Variants in RNF40 observed in about 807,000 individuals in gnomAD.
The protein encoded by RNF40 is ring finger protein 40, also known as E3 ubiquitin-protein ligase BRE1B.
In RNF40, 39 loss-of-function variants were observed where a neutral mutation model predicts 123.3. That is an observed-to-expected ratio of 0.32 (90% confidence interval 0.24 to 0.41). RNF40 has a LOEUF of 0.41. RNF40 is among the 10% of genes least tolerant of loss of function. The probability of loss-of-function intolerance (pLI) is 1.00; values close to 1 mark genes in which losing one functional copy is unlikely to be tolerated. For missense variants in RNF40, 1,003 were observed against 1,319.9 expected, an observed-to-expected ratio of 0.76 and a Z score of 3.72; for synonymous variants, 538 against 526.0, an observed-to-expected ratio of 1.02 and a Z score of -0.31.
At position 30,768,345 on chromosome 16, in the gene RNF40, C is replaced by A. The variant is rs538911527; in HGVS notation, c.1794C>A (p.Gly598=). 4 of 1,612,890 alleles carry A rather than the reference C, an allele frequency of 2.5e-6. No homozygotes were observed. In the African/African-American group the frequency reaches 5.3e-5, roughly 22 times the overall value. The stretch of plus-strand genomic sequence containing the variant: ...AGGGTATAACCCCTGGGGCCCAGGG[C>A]CCTTCCTCCCGGGGCCGAGAACCTG... ...DFQGITPGAQ[G]PSSRGREPEA... Residue 598 remains glycine, a synonymous_variant, in exon 13 of 20, where the codon GGC becomes GGA. Coordinates refer to ENST00000324685, the MANE Select transcript of RNF40 (RefSeq NM_014771.4). This position sits in a 1 kb window ranked among gnomAD's most constrained non-coding sequence, Gnocchi z 4.1.
At position 30,766,030 on chromosome 16, in the gene RNF40, A is replaced by G; in HGVS notation, c.994-133A>G. 7.9e-7 allele frequency: 1 copy of G among 1,263,018 alleles called. No homozygotes were observed. Among genetic ancestry groups the G allele is most frequent in the Non-Finnish European group, 1.1e-6 (1 of 891,110 alleles). 78.2% of individuals were successfully genotyped at this position (1,263,018 alleles called of 1,614,324 possible). A position where few individuals can be genotyped will look rare whatever the true frequency, so the allele number is the denominator to read the frequency against. On this transcript the variant is annotated intron_variant, in intron 8 of 19. Transcript: ENST00000324685. The surrounding 1 kb of genome is among the most constrained non-coding windows in gnomAD (Gnocchi z 5.4). The stretch of plus-strand genomic sequence containing the variant: ...TTTTTCTGGGAGCCCTTAGGAAAGT[A>G]CTTGGTTTGGGGTGTCAGAATCGAT...
chr16:30,769,149 TC>T (rs1279258649), intron 15 of RNF40, 36 bp from the exon 16 acceptor site: 4 of 1,609,572 alleles, frequency 2.5e-6, no homozygotes, highest in Admixed American at 1.7e-5. Context: ...CCTGTCCACT[TC>T]CCACGTTCCA....
rs2053928821 is a variant in RNF40, at chr16:30,763,275, A to T, written c.290A>T (p.Tyr97Phe). The T allele has an allele frequency of 6.2e-7, 1 of 1,614,156 alleles. No homozygotes were observed. The highest frequency in any genetic ancestry group is 8.5e-7 in the Non-Finnish European group (1 of 1,180,012). Residue 97 changes from tyrosine to phenylalanine, a missense_variant, in exon 3 of 20, where the codon TAC (tyrosine) becomes TTC (phenylalanine). Tyr to Phe is a conservative substitution (Grantham distance 22, BLOSUM62 3). This residue lies in a region of RNF40 where 104 missense variants were observed against 85.2 expected (regional missense o/e 1.22). Transcript: ENST00000324685. Reference sequence around the variant, plus strand: ...GCCACACTCCTCATCGTCAATCGCTACTGGGCCCAGGTGGATACCTTCTGC... The same window carrying T: ...GCCACACTCCTCATCGTCAATCGCTTCTGGGCCCAGGTGGATACCTTCTGC... ...DDATLLIVNR[Y>F]WAQLDETVEA...
At position 30,768,673 on chromosome 16, in the gene RNF40, A is replaced by G; in HGVS notation, c.2034A>G (p.Ser678=). 1 of 1,614,242 alleles carries G rather than the reference A, an allele frequency of 6.2e-7. No individual in the cohort carries two copies. Among genetic ancestry groups the G allele is most frequent in the Non-Finnish European group, 8.5e-7 (1 of 1,180,054 alleles). The part of the protein sequence containing the change: ...EMKLLLDMYK[S]APKEQRDKVQ... ...AACTGCTGCTGGATATGTACAAGTC[A>G]GCGCCCAAGGAGCAGCGGGATAAGG... The change falls in exon 14 of 20, where the codon TCA becomes TCG. Residue 678 remains serine (S), a synonymous_variant. Coordinates refer to ENST00000324685, the MANE Select transcript of RNF40 (RefSeq NM_014771.4). This position sits in a 1 kb window ranked among gnomAD's most constrained non-coding sequence, Gnocchi z 4.1.
Position 30,771,867 on chromosome 16 carries a change from A to G in RNF40, c.2621A>G (p.Lys874Arg), listed in dbSNP as rs1366517670. ...VEAAQLAEDL[K>R]VQLEHVQTRL... ...GCCGCCCAGCTGGCCGAGGACCTGA[A>G]GGTGCAGCTGGAGCACGTGCAGACT... Residue 874 changes from lysine to arginine, a missense_variant, in exon 18 of 20, where the codon AAG becomes AGG. By Grantham distance (26) the Lys-to-Arg change is conservative. Transcript: ENST00000324685. The G allele has an allele frequency of 6.2e-7, 1 of 1,606,040 alleles. No individual in the cohort carries two copies. The highest frequency in any genetic ancestry group is 2.2e-5 in the East Asian group (1 of 44,752).
Position 30,771,962 on chromosome 16 carries a change from AAGAGGG to A in RNF40, c.2717_2722del (p.Lys906_Ala908delinsThr). 1 of 1,595,744 alleles carries A rather than the reference AAGAGGG, an allele frequency of 6.3e-7. No homozygotes were observed. On this transcript the variant is annotated inframe_deletion, in exon 18 of 20. Coordinates refer to ENST00000324685, the MANE Select transcript of RNF40 (RefSeq NM_014771.4). Reference sequence around the variant, plus strand: ...TCGTGAGAAAGAGAGCTTCAACCTCAAGAGGGCTCAGGTGTGTGCAGGGGTGAGGGG... The same window carrying A: ...TCGTGAGAAAGAGAGCTTCAACCTCACTCAGGTGTGTGCAGGGGTGAGGGG...
chr16:30,763,337 C>T, intron 3 of RNF40, 52 bp downstream of exon 3: 1 of 1,609,686 alleles, frequency 6.2e-7, no homozygotes. Flanking sequence ...TGCCAATCCC[C>T]AGATTCCCCT....
intron 19 of RNF40, 68 bp from the exon 20 acceptor site, chr16:30,773,870 C>T: frequency 1.3e-6 from 2 of 1,526,596 alleles, no homozygotes; most frequent in Non-Finnish European, 1.8e-6. Flanking sequence ...CTGGACTCCT[C>T]CTGCTGTCAG....
rs1447155629 is a variant in RNF40 at position 30,773,844 on chromosome 16, G to C, written c.2830-94G>C. The stretch of plus-strand genomic sequence containing the variant: ...ATGGGAGGATGAGGTGCAGTCTCCA[G>C]TGTGGTGGGCTTGGCCTGGACTCCT... On this transcript the variant is annotated intron_variant, in intron 19 of 19. Coordinates refer to ENST00000324685, the MANE Select transcript of RNF40 (RefSeq NM_014771.4). 6 of 1,275,222 alleles carry C rather than the reference G, an allele frequency of 4.7e-6. No individual in the cohort carries two copies. The East Asian group carries it at 1.4e-4, about 30-fold the overall frequency. 79.0% of individuals were successfully genotyped at this position (1,275,222 alleles called of 1,614,324 possible).
chr16:30,771,719 G>T, intron 17 of RNF40, 114 bp from the exon 18 acceptor site: 4 of 1,207,192 alleles, frequency 3.3e-6, no homozygotes, highest in Non-Finnish European at 3.4e-6. Flanking sequence ...GGCAGGAGCA[G>T]CTCCAGGGCA....
chr16:30,765,521 C>T (rs377570717), intron 8 of RNF40, 22 bp downstream of exon 8: 21 of 1,607,540 alleles, frequency 1.3e-5, no homozygotes, highest in Non-Finnish European at 1.8e-5. Flanking sequence ...TTTCCTCCCA[C>T]CCCTTCTCAC....
At position 30,774,100 on chromosome 16, in the gene RNF40, ATCT is replaced by A. The variant is rs757337742; in HGVS notation, c.2993_2995del (p.Ile998_Tyr999delinsAsn). ...CTTTGGTGCCCACGACTTCCATCGT[ATCT>A]ACATCAGCTGAACCTGAAACTCAGG... On this transcript the variant is annotated inframe_deletion, in exon 20 of 20. Transcript: ENST00000324685. The A allele has an allele frequency of 6.2e-7, 1 of 1,613,342 alleles. No individual in the cohort carries two copies. Among genetic ancestry groups the A allele is most frequent in the Non-Finnish European group, 8.5e-7 (1 of 1,179,406 alleles).
intron 3 of RNF40, 55 bp from the exon 4 acceptor site, chr16:30,763,363 T>C: frequency 3.7e-6 from 6 of 1,605,842 alleles, no homozygotes; most frequent in Non-Finnish European, 5.1e-6. Context: ...GAAAGGAGTA[T>C]CATGTTGGAA....
chr16:30,765,140 C>T, intron 6 of RNF40, 41 bp from the exon 7 acceptor site: 1 of 1,611,952 alleles, frequency 6.2e-7, no homozygotes, highest in Non-Finnish European at 8.5e-7. Context: ...CCTCAGGAAC[C>T]AAGTCCCCCA....
chr16:30,762,050 A>T, upstream of RNF40: 1 of 462,750 alleles, frequency 2.2e-6, no homozygotes, highest in Non-Finnish European at 3.8e-6. Flanking sequence ...CCTCTCTTCC[A>T]GGTTGCTAAT....
Position 30,764,160 on chromosome 16 carries a change from G to T in RNF40, c.443-19G>T. The stretch of plus-strand genomic sequence containing the variant: ...AACTGCTGCTCTTATCCTCATGAGG[G>T]TCTGTCCATTCCTTCCAGACCCCTT... On this transcript the variant is annotated intron_variant, in intron 4 of 19. Transcript: ENST00000324685. 6.3e-7 allele frequency: 1 copy of T among 1,593,238 alleles called. No individual in the cohort carries two copies. The highest frequency in any genetic ancestry group is 1.7e-5 in the Admixed American group (1 of 57,570).
In RNF40 at chr16:30,771,525, G is replaced by A. The variant is rs541099538; in HGVS notation, c.2587-308G>A. On this transcript the variant is annotated intron_variant, in intron 17 of 19. Coordinates refer to ENST00000324685, the MANE Select transcript of RNF40 (RefSeq NM_014771.4). Reference sequence around the variant, plus strand: ...CCAGCTACTCGGGAGGCTGAGGCAGGAGAATGGTGTGAACCCAGGAGTCGG... The same window carrying A: ...CCAGCTACTCGGGAGGCTGAGGCAGAAGAATGGTGTGAACCCAGGAGTCGG... Among the ~76,000 whole-genome samples, 5 of 152,270 alleles carry A rather than the reference G, an allele frequency of 3.3e-5. 1 individual carries two copies. The South Asian group carries it at 1.0e-3, about 32-fold the overall frequency.
chr16:30,767,739 G>A, intron 11 of RNF40, 155 bp from the exon 12 acceptor site: 1 of 911,582 alleles, frequency 1.1e-6, no homozygotes, highest in Non-Finnish European at 1.7e-6. Context: ...CTTGAAGTCA[G>A]CATTATTTAC....
chr16:30,764,343 C>T lies in RNF40; in HGVS notation c.607C>T (p.Gln203Ter). 2 of 1,613,844 alleles carry T rather than the reference C, an allele frequency of 1.2e-6. No individual in the cohort carries two copies. The highest frequency in any genetic ancestry group is 1.7e-6 in the Non-Finnish European group (2 of 1,180,004). ...TGTGGTAGAGGCCTCAGACCGCCTA[C>T]AGCGCCGGGTGGAGGAACTCTGTCA... ...SRVVEASDRL[Q>*]RRVEELCQRV... The change falls in exon 5 of 20, where the codon CAG (glutamine) becomes TAG (stop). Residue 203 changes from glutamine to a stop codon, truncating the protein, a stop_gained. Coordinates refer to ENST00000324685, the MANE Select transcript of RNF40 (RefSeq NM_014771.4). LOFTEE classifies it high-confidence loss of function.
Sources: allele counts gnomAD v4.1 joint callset (sites outside exome capture counted in the v4.1 genomes callset), GRCh38; gene constraint gnomAD v4.1.1; regional missense constraint gnomAD v4.1.1; non-coding constraint Gnocchi (gnomAD v3.1); transcripts MANE v1.5; gene names NCBI Gene and HGNC (gene_info 2026-07-23, HGNC 2026-07-21).